LMTK3: variants seen among roughly 807,000 people sequenced by gnomAD.
LMTK3 encodes serine/threonine-protein kinase LMTK3.
In LMTK3, 27 loss-of-function variants were observed where a neutral mutation model predicts 116.7. The observed-to-expected ratio is 0.23, with a 90% CI of 0.17 to 0.32. LMTK3 has a LOEUF of 0.32. Ranked by LOEUF, LMTK3 falls within the 10% of genes least tolerant of loss-of-function variation. The probability of loss-of-function intolerance (pLI) is 1.00; values close to 1 mark genes in which losing one functional copy is unlikely to be tolerated. For missense variants in LMTK3, 1,764 were observed against 2,068.5 expected, an observed-to-expected ratio of 0.85 and a Z score of 2.86; for synonymous variants, 965 against 971.0, an observed-to-expected ratio of 0.99 and a Z score of 0.11.
In LMTK3 at chr19:48,493,756, G is replaced by C; in HGVS notation, c.4030C>G (p.Leu1344Val). The C allele has an allele frequency of 6.4e-7, 1 of 1,566,092 alleles. No individual in the cohort carries two copies. Among genetic ancestry groups the C allele is most frequent in the Non-Finnish European group, 8.6e-7 (1 of 1,157,342 alleles). Residue 1344 changes from leucine (L) to valine (V), a missense_variant, in exon 12 of 15, where the codon CTG becomes GTG. Physicochemically the swap from Leu to Val is conservative, Grantham distance 32 (BLOSUM62 1). Coordinates refer to ENST00000600059, the MANE Select transcript of LMTK3 (RefSeq NM_001388485.1). ...RGADEPEDSE[L>V]ERKRKMVSFH... is the part of the protein sequence containing the mutation. ...GAGACCATCTTGCGCTTCCTCTCCA[G>C]CTCGCTGTCCTCTGGCTCGTCGGCC...
At position 48,500,434 on chromosome 19, in the gene LMTK3, A is replaced by AAG. The variant is rs941243018; in HGVS notation, c.1152-519_1152-518dup. ...AGCAAAAATCTGCCAAAAAAAAAGAAAGAGAGAGAGGGACAGAGACCCAGA... is the reference window on the plus strand; with the variant it reads ...AGCAAAAATCTGCCAAAAAAAAAGAAAGAGAGAGAGAGGGACAGAGACCCAGA... On this transcript the variant is annotated intron_variant, in intron 10 of 14. Coordinates refer to ENST00000600059, the MANE Select transcript of LMTK3 (RefSeq NM_001388485.1). The surrounding 1 kb of genome is among the most constrained non-coding windows in gnomAD (Gnocchi z 4.0). Among the ~76,000 whole-genome samples, 2 of 142,924 alleles carry AAG rather than the reference A, an allele frequency of 1.4e-5. No individual in the cohort carries two copies. The highest frequency in any genetic ancestry group is 5.2e-5 in the African/African-American group (2 of 38,238). 93.8% of individuals were successfully genotyped at this position (142,924 alleles called of 152,430 possible).
chr19:48,493,804 C>G lies in LMTK3; in HGVS notation c.3982G>C (p.Gly1328Arg), dbSNP rs1972272830. ...GCCCCGCGCGGAGACTTGAGCAGCCCCCGCAGCGGGCGGGCCGCGTCCGCG... is the reference window on the plus strand; with the variant it reads ...GCCCCGCGCGGAGACTTGAGCAGCCGCCGCAGCGGGCGGGCCGCGTCCGCG... ...ADADAARPLRGLLKSPRGADE... is the reference protein window; with the variant it reads ...ADADAARPLRRLLKSPRGADE... Residue 1328 changes from glycine (G) to arginine (R), a missense_variant, in exon 12 of 15, where the codon GGG (glycine) becomes CGG (arginine). Physicochemically the swap from Gly to Arg is moderately radical, Grantham distance 125. Transcript: ENST00000600059. 1 of 1,512,434 alleles carries G rather than the reference C, an allele frequency of 6.6e-7. No homozygotes were observed. The allele number at this position is 1,512,434 out of a possible 1,614,324, so 93.7% of individuals were successfully genotyped here. A position where few individuals can be genotyped will look rare whatever the true frequency, so the allele number is the denominator to read the frequency against.
chr19:48,493,621 G>T, intron 12 of LMTK3, 73 bp downstream of exon 12: 1 of 1,333,182 alleles, frequency 7.5e-7, no homozygotes, highest in Non-Finnish European at 9.8e-7. Context: ...CCTCCCGCCA[G>T]GCCCTTCCCG....
rs1770399804 is a variant in LMTK3, at chr19:48,500,370, G to A, written c.1152-453C>T. On this transcript the variant is annotated intron_variant, in intron 10 of 14. Transcript: ENST00000600059. This position sits in a 1 kb window ranked among gnomAD's most constrained non-coding sequence, Gnocchi z 4.0. ...ACCCGGGAGGCGGAGGTTGCAGTGA[G>A]CCAAGATCGTGCCATCGCACTCCAG... 6.6e-6 allele frequency among the ~76,000 whole-genome samples: 1 copy of A among 151,884 alleles called. No homozygotes were observed. The highest frequency in any genetic ancestry group is 2.1e-4 in the South Asian group (1 of 4,814).
intron 11 of LMTK3, among the ~76,000 whole-genome samples, chr19:48,496,499 A>G (rs1383922528): frequency 6.6e-6 from 1 of 152,022 alleles, no homozygotes; most frequent in Admixed American, 6.6e-5. Flanking sequence ...GGGTTTTGCC[A>G]TGTTGTCCAG....
Position 48,498,505 on chromosome 19 carries a change from A to G in LMTK3, c.2564T>C (p.Val855Ala), listed in dbSNP as rs1227487377. Reference sequence around the variant, plus strand: ...CAGCAGCTGTTCCGTGCTCACTTGAACCACGAAGGTCGGCTTCTCCCGGGG... The same window carrying G: ...CAGCAGCTGTTCCGTGCTCACTTGAGCCACGAAGGTCGGCTTCTCCCGGGG... ...PGPREKPTFV[V>A]QVSTEQLLMS... The change falls in exon 11 of 15, where the codon GTT becomes GCT. Residue 855 changes from valine (V) to alanine (A), a missense_variant. By Grantham distance (64) the Val-to-Ala change is moderately conservative. Coordinates refer to ENST00000600059, the MANE Select transcript of LMTK3 (RefSeq NM_001388485.1). 1 of 1,590,484 alleles carries G rather than the reference A, an allele frequency of 6.3e-7. No homozygotes were observed. The highest frequency in any genetic ancestry group is 8.6e-7 in the Non-Finnish European group (1 of 1,168,628).
At chr19:48,509,550 C>T (rs1464778856) in intron 3 of LMTK3, 37 bp from the exon 4 acceptor site, 6 of 1,513,944 alleles carry the variant, frequency 4.0e-6, no homozygotes, top group Admixed American at 2.1e-5. Flanking sequence ...CTGAGTCTCT[C>T]CCCCTTCCTG....
At position 48,499,417 on chromosome 19, in the gene LMTK3, G is replaced by A; in HGVS notation, c.1652C>T (p.Pro551Leu). The change falls in exon 11 of 15, where the codon CCC becomes CTC. Residue 551 changes from proline to leucine, a missense_variant. By Grantham distance (98) the Pro-to-Leu change is moderately conservative. Coordinates refer to ENST00000600059, the MANE Select transcript of LMTK3 (RefSeq NM_001388485.1). ...RLEEHGSPPE[P>L]LFPNDWDPLD... Reference sequence around the variant, plus strand: ...GGGGTCCCAGTCGTTGGGGAAGAGGGGCTCAGGAGGGGAGCCGTGCTCCTC... The same window carrying A: ...GGGGTCCCAGTCGTTGGGGAAGAGGAGCTCAGGAGGGGAGCCGTGCTCCTC... 1 of 1,455,852 alleles carries A rather than the reference G, an allele frequency of 6.9e-7. No individual in the cohort carries two copies. Among genetic ancestry groups the A allele is most frequent in the South Asian group, 1.4e-5 (1 of 69,068 alleles). The allele number at this position is 1,455,852 out of a possible 1,614,324, so 90.2% of individuals were successfully genotyped here.
intron 14 of LMTK3, among the ~76,000 whole-genome samples, chr19:48,486,367 C>T (rs1972125646): frequency 6.6e-6 from 1 of 151,692 alleles, no homozygotes; most frequent in Non-Finnish European, 1.5e-5. Context: ...CCTTTTGGAA[C>T]ATTCTTCCTA....
chr19:48,492,341 A>G (rs1450004915), intron 12 of LMTK3, among the ~76,000 whole-genome samples: 2 of 152,140 alleles, frequency 1.3e-5, no homozygotes, highest in African/African-American at 4.8e-5. Flanking sequence ...GATGCGCACC[A>G]CCACACCAAG....
chr19:48,499,524 G>A lies in LMTK3; in HGVS notation c.1545C>T (p.Tyr515=), dbSNP rs1343335352. The A allele has an allele frequency of 2.1e-5, 24 of 1,163,196 alleles. No homozygotes were observed. In the East Asian group the frequency reaches 7.5e-4, roughly 36 times the overall value. The allele number at this position is 1,163,196 out of a possible 1,614,324, so 72.1% of individuals were successfully genotyped here. ...GCACGCTGGGCGTGGACAGCGCCTC[G>A]TAGAAAGGGTTGGAGGGGTTGGCGT... is the stretch of plus-strand genomic sequence containing the variant. ...APHANPSNPF[Y]EALSTPSVLP... The change falls in exon 11 of 15, where the codon TAC becomes TAT. Residue 515 remains tyrosine, a synonymous_variant. Coordinates refer to ENST00000600059, the MANE Select transcript of LMTK3 (RefSeq NM_001388485.1).
chr19:48,511,363 C>T, intron 1 of LMTK3, 138 bp downstream of exon 1: 1 of 421,918 alleles, frequency 2.4e-6, no homozygotes. Flanking sequence ...ACCGTCCCCG[C>T]CGCTCCGGGC....
upstream of LMTK3, chr19:48,513,141 T>C (rs768605116): frequency 1.2e-6 from 2 of 1,600,280 alleles, no homozygotes; most frequent in Non-Finnish European, 1.7e-6. This position sits in a 1 kb window ranked among gnomAD's most constrained non-coding sequence, Gnocchi z 5.6. Flanking sequence ...AATACCCACG[T>C]TTCCCGTGCG....
At chr19:48,506,886 G>A (rs1228719623) in intron 5 of LMTK3, among the ~76,000 whole-genome samples, 22 of 152,078 alleles carry the variant, frequency 1.4e-4, no homozygotes, top group African/African-American at 5.1e-4. Flanking sequence ...GGCTGGTCTC[G>A]AACTCCTGAC....
chr19:48,486,564 G>A (rs1330240006), intron 14 of LMTK3, among the ~76,000 whole-genome samples: 1 of 150,832 alleles, frequency 6.6e-6, no homozygotes, highest in African/African-American at 2.5e-5. Flanking sequence ...TTGAGATGGA[G>A]TCTTGCTCTG....
rs1237942233 is a variant in LMTK3, at chr19:48,491,334, C to T, written c.4228+70G>A. On this transcript the variant is annotated intron_variant, in intron 13 of 14. Transcript: ENST00000600059. The surrounding 1 kb of genome is among the most constrained non-coding windows in gnomAD (Gnocchi z 5.1). ...CCGCCCCTCCCGACCAAGCCCCTCC[C>T]ACCCCATAGACCCCGCCCCGTCCGC... The T allele has an allele frequency of 1.5e-6, 2 of 1,345,674 alleles. No homozygotes were observed. Among genetic ancestry groups the T allele is most frequent in the Non-Finnish European group, 1.9e-6 (2 of 1,045,032 alleles). 83.4% of individuals were successfully genotyped at this position (1,345,674 alleles called of 1,614,324 possible).
rs868395094 is a variant in LMTK3 at position 48,497,866 on chromosome 19, C to G, written c.3203G>C (p.Gly1068Ala). 1 of 1,444,020 alleles carries G rather than the reference C, an allele frequency of 6.9e-7. No homozygotes were observed. The highest frequency in any genetic ancestry group is 2.5e-5 in the East Asian group (1 of 39,610). The allele number at this position is 1,444,020 out of a possible 1,614,324, so 89.5% of individuals were successfully genotyped here. ...GCCAAGGGGGCCAGGGGCTGTCTCC[C>G]CGCCGTTCCGGGAGGAGACCACTGC... Reference protein sequence around the residue: ...PSAVVSSRNGGETAPGPLGPA... With the variant: ...PSAVVSSRNGAETAPGPLGPA... Residue 1068 changes from glycine (G) to alanine (A), a missense_variant, in exon 11 of 15, where the codon GGG (glycine) becomes GCG (alanine). Physicochemically the swap from Gly to Ala is moderately conservative, Grantham distance 60. Around this residue, in one of 7 missense-constraint regions of LMTK3, gnomAD observed 1,028 missense variants for 1,050.6 expected, o/e 0.98. Transcript: ENST00000600059. The surrounding 1 kb of genome is among the most constrained non-coding windows in gnomAD (Gnocchi z 5.7).
chr19:48,485,674 A>G lies in LMTK3; in HGVS notation c.*99T>C. 7.3e-7 allele frequency: 1 copy of G among 1,366,746 alleles called. No homozygotes were observed. The highest frequency in any genetic ancestry group is 1.0e-6 in the Non-Finnish European group (1 of 979,898). The allele number at this position is 1,366,746 out of a possible 1,614,324, so 84.7% of individuals were successfully genotyped here. A position where few individuals can be genotyped will look rare whatever the true frequency, so the allele number is the denominator to read the frequency against. ...GGCCCAGCCTCGGGGGCCTCCCCAG[A>G]GGCGGCGTCTGCGGTGGTGGCAGTG... On this transcript the variant is annotated 3_prime_UTR_variant, in exon 15 of 15. Coordinates refer to ENST00000600059, the MANE Select transcript of LMTK3 (RefSeq NM_001388485.1).
At position 48,498,092 on chromosome 19, in the gene LMTK3, C is replaced by G. The variant is rs767935576; in HGVS notation, c.2977G>C (p.Gly993Arg). 6.2e-7 allele frequency: 1 copy of G among 1,613,320 alleles called. No individual in the cohort carries two copies. The highest frequency in any genetic ancestry group is 8.5e-7 in the Non-Finnish European group (1 of 1,179,814). The change falls in exon 11 of 15, where the codon GGC becomes CGC. Residue 993 changes from glycine (G) to arginine (R), a missense_variant. Physicochemically the swap from Gly to Arg is moderately radical, Grantham distance 125. Coordinates refer to ENST00000600059, the MANE Select transcript of LMTK3 (RefSeq NM_001388485.1). ...TCCTCGCTCTTTGGGGGTGTCAGGC[C>G]CCCATTCACCAGCACCTTCTCCCCG... ...EAGEKVLVNG[G>R]LTPPKSEDKV...
Sources: allele counts gnomAD v4.1 joint callset (sites outside exome capture counted in the v4.1 genomes callset), GRCh38; gene constraint gnomAD v4.1.1; regional missense constraint gnomAD v4.1.1; non-coding constraint Gnocchi (gnomAD v3.1); transcripts MANE v1.5; gene names NCBI Gene and HGNC (gene_info 2026-07-23, HGNC 2026-07-21).